Variants in PPARGC1A observed in about 807,000 individuals in gnomAD.
PPARGC1A encodes the protein PPARG coactivator 1 alpha.
PPARGC1A carries 25 observed loss-of-function variants against 88.7 expected under a neutral mutation model. That is an observed-to-expected ratio of 0.28 (90% CI 0.21 to 0.39). The LOEUF is 0.39. PPARGC1A is among the 10% of genes least tolerant of loss of function. The pLI is 1.00. For missense variants in PPARGC1A, 880 were observed against 968.7 expected (o/e 0.91, Z 1.22); for synonymous variants, 363 against 355.6 (o/e 1.02, Z -0.24).
the PPARGC1A span, among the ~76,000 whole-genome samples, chr4:24,183,878 A>T: frequency 6.6e-6 from 1 of 152,222 alleles, no homozygotes; most frequent in South Asian, 2.1e-4. Context: ...GTTAAAGAAA[A>T]GATATAAAAC....
chr4:23,913,297 GA>G, the PPARGC1A span, among the ~76,000 whole-genome samples: 36 of 143,162 alleles, frequency 2.5e-4, no homozygotes, highest in African/African-American at 9.1e-4. Flanking sequence ...GAGAGAGAGA[GA>G]GAGAGAGAGA....
At chr4:24,178,270 C>T in the PPARGC1A span, among the ~76,000 whole-genome samples, 8 of 152,108 alleles carry the variant, frequency 5.3e-5, no homozygotes, top group African/African-American at 9.7e-5. Context: ...CAGCATAGTA[C>T]TTTTGTTAGA....
At chr4:24,277,051 T>C in the PPARGC1A span, among the ~76,000 whole-genome samples, 1 of 152,180 alleles carries the variant, frequency 6.6e-6, no homozygotes, top group African/African-American at 2.4e-5. Flanking sequence ...AGGTATTCAT[T>C]TGTGGAAACA....
At chr4:24,329,994 C>A in the PPARGC1A span, among the ~76,000 whole-genome samples, 433 of 152,338 alleles carry the variant, frequency 2.8e-3, 17 homozygotes, top group East Asian at 0.064. Context: ...ACCATCAAAT[C>A]TACTGCCTGG....
At chr4:24,371,620 C>A in the PPARGC1A span, among the ~76,000 whole-genome samples, 3 of 151,884 alleles carry the variant, frequency 2.0e-5, no homozygotes, top group Non-Finnish European at 4.4e-5. Context: ...AAGATAGGAA[C>A]CTTCTCCCTT....
chr4:23,844,875 T>C (rs1560429989), intron 2 of PPARGC1A, among the ~76,000 whole-genome samples: 7 of 64,886 alleles, frequency 1.1e-4, no homozygotes, highest in African/African-American at 3.4e-4. Context: ...ATATATTATA[T>C]ACACACACAC....
At chr4:23,960,465 T>G in the PPARGC1A span, among the ~76,000 whole-genome samples, 1 of 152,214 alleles carries the variant, frequency 6.6e-6, no homozygotes, top group East Asian at 1.9e-4. Context: ...TGACAACTAG[T>G]TTGGCCAAAA....
chr4:24,115,045 G>GTAATGCAT, the PPARGC1A span, among the ~76,000 whole-genome samples: 1 of 152,174 alleles, frequency 6.6e-6, no homozygotes, highest in Admixed American at 6.5e-5. Flanking sequence ...AGCATTCCCG[G>GTAATGCAT]TAATGCATTT....
chr4:23,856,458 C>T (rs1465351440), intron 2 of PPARGC1A, among the ~76,000 whole-genome samples: 2 of 152,270 alleles, frequency 1.3e-5, no homozygotes, highest in South Asian at 2.1e-4. Flanking sequence ...GCAGGACACT[C>T]GGAGAAGTCA....
chr4:24,262,885 T>C, the PPARGC1A span, among the ~76,000 whole-genome samples: 2 of 152,158 alleles, frequency 1.3e-5, no homozygotes, highest in Non-Finnish European at 2.9e-5. Context: ...CTGTACAACT[T>C]CCTGTACATC....
the PPARGC1A span, among the ~76,000 whole-genome samples, chr4:24,216,060 G>T: frequency 6.8e-6 from 1 of 147,518 alleles, no homozygotes; most frequent in Admixed American, 6.7e-5. Context: ...TTTGACACAA[G>T]TATTATTTAT....
intron 2 of PPARGC1A, among the ~76,000 whole-genome samples, chr4:23,855,030 C>A (rs1006623806): frequency 1.3e-5 from 2 of 152,034 alleles, no homozygotes; most frequent in Non-Finnish European, 2.9e-5. Flanking sequence ...ATCGTGGGGG[C>A]GCACTCCCCG....
At chr4:24,094,342 A>C in the PPARGC1A span, among the ~76,000 whole-genome samples, 6 of 152,184 alleles carry the variant, frequency 3.9e-5, no homozygotes. Context: ...TAGCTAGAAC[A>C]TAGATCCCAG....
At chr4:24,352,224 G>C in the PPARGC1A span, among the ~76,000 whole-genome samples, 1 of 152,132 alleles carries the variant, frequency 6.6e-6, no homozygotes, top group Non-Finnish European at 1.5e-5. Flanking sequence ...GAGGGGAAGA[G>C]GGCTTTGAGT....
chr4:24,007,118 T>G, the PPARGC1A span, among the ~76,000 whole-genome samples: 2 of 152,168 alleles, frequency 1.3e-5, no homozygotes, highest in Admixed American at 6.5e-5. Context: ...CATAAAATTA[T>G]GGAGTCTTAG....
the PPARGC1A span, among the ~76,000 whole-genome samples, chr4:24,333,294 T>G: frequency 6.6e-6 from 1 of 152,204 alleles, no homozygotes; most frequent in Non-Finnish European, 1.5e-5. Flanking sequence ...ACAGTTTCCA[T>G]CTTCCTCTCT....
intron 9 of PPARGC1A, 63 bp downstream of exon 9, chr4:23,812,958 G>A: frequency 2.5e-6 from 4 of 1,611,776 alleles, no homozygotes; most frequent in Non-Finnish European, 3.4e-6. Context: ...GGGTTTTGGA[G>A]AACATCTTGT....
At chr4:23,997,718 C>T in the PPARGC1A span, among the ~76,000 whole-genome samples, 8 of 151,938 alleles carry the variant, frequency 5.3e-5, no homozygotes, top group South Asian at 2.1e-4. Flanking sequence ...TCTTGAACTC[C>T]GAAGCTCAGG....
chr4:24,065,960 C>G, the PPARGC1A span, among the ~76,000 whole-genome samples: 1 of 152,164 alleles, frequency 6.6e-6, no homozygotes, highest in African/African-American at 2.4e-5. Flanking sequence ...GGCAACTTGC[C>G]TGGGAGATAC....
Sources: gnomAD v4.1 joint callset for allele counts (sites outside exome capture counted in the v4.1 genomes callset) on GRCh38, gnomAD v4.1.1 for gene constraint, MANE v1.5 for transcripts, NCBI Gene and HGNC (gene_info 2026-07-23, HGNC 2026-07-21) for gene names.